RXFP1: variants seen among roughly 807,000 people sequenced by gnomAD.
RXFP1 encodes relaxin family peptide receptor 1.
A neutral mutation model predicts 89.8 loss-of-function variants in RXFP1; 73 were observed. The observed-to-expected ratio is 0.81, with a 90% CI of 0.67 to 0.99. The LOEUF is 0.99. Ranked by LOEUF, RXFP1 falls within the 50% of genes least tolerant of loss-of-function variation. The pLI, the probability that RXFP1 is intolerant of heterozygous loss-of-function variation, is 0.00. For missense variants in RXFP1, 793 were observed against 895.5 expected, an observed-to-expected ratio of 0.89 and a Z score of 1.46; for synonymous variants, 277 against 305.5, an observed-to-expected ratio of 0.91 and a Z score of 0.97.
chr4:158,608,113 C>A, intron 6 of RXFP1, 70 bp downstream of exon 6: 1 of 1,008,246 alleles, frequency 9.9e-7, no homozygotes, highest in Non-Finnish European at 1.5e-6. Flanking sequence ...CCAATCCAGA[C>A]CAGCCTCCCT....
chr4:158,640,152 A>G (rs1335660116), intron 14 of RXFP1, among the ~76,000 whole-genome samples: 1 of 152,226 alleles, frequency 6.6e-6, no homozygotes, highest in Non-Finnish European at 1.5e-5. Context: ...AGATGATTTT[A>G]GTTTTCCACA....
chr4:158,639,940 G>T (rs2150235819), intron 14 of RXFP1, among the ~76,000 whole-genome samples: 1 of 152,216 alleles, frequency 6.6e-6, no homozygotes, highest in Middle Eastern at 3.4e-3. Flanking sequence ...CAGAGAAGAT[G>T]GCCATCTATG....
At chr4:158,536,116 T>G (rs907002584) in intron 1 of RXFP1, among the ~76,000 whole-genome samples, 2 of 152,204 alleles carry the variant, frequency 1.3e-5, no homozygotes, top group African/African-American at 4.8e-5. Flanking sequence ...AACACAAAGG[T>G]TGTTACTCAG....
chr4:158,643,493 C>T (rs1396976985), intron 14 of RXFP1, among the ~76,000 whole-genome samples: 1 of 95,436 alleles, frequency 1.0e-5, no homozygotes, highest in East Asian at 3.5e-4. Flanking sequence ...TTTTTGGAGA[C>T]AGAGTCTCTC....
At chr4:158,571,357 A>G (rs1755018584) in intron 1 of RXFP1, among the ~76,000 whole-genome samples, 3 of 152,216 alleles carry the variant, frequency 2.0e-5, no homozygotes, top group African/African-American at 7.2e-5. Context: ...GTTATTAAGA[A>G]ATTATTTTAG....
chr4:158,651,828 C>G lies in RXFP1; in HGVS notation c.2047C>G (p.Leu683Val). The change falls in exon 18 of 18, where the codon CTG becomes GTG. Residue 683 changes from leucine (L) to valine (V), a missense_variant. By Grantham distance (32) the Leu-to-Val change is conservative. Coordinates refer to ENST00000307765, the MANE Select transcript of RXFP1 (RefSeq NM_021634.4). ...TGCTTTGAACCCAATTCTCTATACTCTGACCACAAGACCATTTAAAGAAAT... is the reference window on the plus strand; with the variant it reads ...TGCTTTGAACCCAATTCTCTATACTGTGACCACAAGACCATTTAAAGAAAT... ...NSALNPILYT[L>V]TTRPFKEMIH... The G allele has an allele frequency of 6.2e-7, 1 of 1,614,088 alleles. No individual in the cohort carries two copies. Among genetic ancestry groups the G allele is most frequent in the Non-Finnish European group, 8.5e-7 (1 of 1,179,970 alleles).
chr4:158,599,010 T>C (rs567787874), intron 3 of RXFP1, among the ~76,000 whole-genome samples: 1 of 151,010 alleles, frequency 6.6e-6, no homozygotes, highest in East Asian at 2.0e-4. Flanking sequence ...CTGTTCTCCA[T>C]TCATTGCAAA....
intron 12 of RXFP1, 120 bp downstream of exon 12, chr4:158,633,596 T>C: frequency 1.8e-6 from 1 of 562,530 alleles, no homozygotes; most frequent in South Asian, 2.6e-5. Context: ...ATTAGCTACA[T>C]TCACATTGCT....
At chr4:158,604,793 A>T (rs998148435) in intron 4 of RXFP1, among the ~76,000 whole-genome samples, 1 of 152,218 alleles carries the variant, frequency 6.6e-6, no homozygotes, top group Non-Finnish European at 1.5e-5. Context: ...AAAGAAAAAC[A>T]TAACTGAAAA....
chr4:158,591,802 A>T (rs967227486), intron 2 of RXFP1, among the ~76,000 whole-genome samples: 1 of 152,180 alleles, frequency 6.6e-6, no homozygotes, highest in Non-Finnish European at 1.5e-5. Context: ...TAGACTTAAT[A>T]CTAACTTACA....
chr4:158,568,145 C>A (rs948914817), intron 1 of RXFP1, among the ~76,000 whole-genome samples: 1 of 152,138 alleles, frequency 6.6e-6, no homozygotes, highest in African/African-American at 2.4e-5. Flanking sequence ...ACCACGAACC[C>A]ACCAGAAGGA....
intron 8 of RXFP1, among the ~76,000 whole-genome samples, chr4:158,616,792 A>G (rs1195879400): frequency 1.3e-5 from 2 of 151,542 alleles, no homozygotes; most frequent in Admixed American, 1.3e-4. Context: ...TGAGGTCAAG[A>G]GTTTGAGACC....
chr4:158,615,537 A>G (rs1764386817), intron 8 of RXFP1, among the ~76,000 whole-genome samples: 1 of 144,368 alleles, frequency 6.9e-6, no homozygotes, highest in South Asian at 2.2e-4. Flanking sequence ...ACTTTGTCTC[A>G]AAAAAAAAAA....
intron 1 of RXFP1, chr4:158,544,341 C>T: frequency 1.0e-6 from 1 of 985,292 alleles, no homozygotes; most frequent in Non-Finnish European, 1.2e-6. Flanking sequence ...GACAGCATCT[C>T]ATCCTTGCAC....
intron 1 of RXFP1, among the ~76,000 whole-genome samples, chr4:158,561,630 T>TC (rs1479188048): frequency 7.0e-6 from 1 of 142,382 alleles, no homozygotes; most frequent in African/African-American, 2.7e-5. Flanking sequence ...TTTTTTCTTT[T>TC]TTTTTTTTTT....
chr4:158,645,287 A>G, intron 15 of RXFP1, 149 bp downstream of exon 15: 1 of 624,554 alleles, frequency 1.6e-6, no homozygotes. Flanking sequence ...TTCTACAAAG[A>G]AAATAGAATT....
In RXFP1 at chr4:158,521,943, C is replaced by G. The variant is rs1741266702; in HGVS notation, c.-34C>G. 6.3e-7 allele frequency: 1 copy of G among 1,575,968 alleles called. No homozygotes were observed. Among genetic ancestry groups the G allele is most frequent in the Admixed American group, 1.7e-5 (1 of 58,184 alleles). The stretch of plus-strand genomic sequence containing the variant: ...TCAGAAACCAAGACCAAATTTTGCT[C>G]ACTTTCATTAATCAGTTGCTCAGAT... On this transcript the variant is annotated 5_prime_UTR_variant, in exon 1 of 18. Transcript: ENST00000307765.
Position 158,652,708 on chromosome 4 carries a change from C to T in RXFP1, c.*653C>T, listed in dbSNP as rs1384189333. ...ACAGCACTTCTTTTGGCACTTCCTG[C>T]CCAGTTTTCTCTTTGCTTTAAATGA... is the stretch of plus-strand genomic sequence containing the variant. On this transcript the variant is annotated 3_prime_UTR_variant, in exon 18 of 18. Coordinates refer to ENST00000307765, the MANE Select transcript of RXFP1 (RefSeq NM_021634.4). 6.6e-6 allele frequency: 1 copy of T among 152,174 alleles called. No homozygotes were observed. Among genetic ancestry groups the T allele is most frequent in the African/African-American group, 2.4e-5 (1 of 41,446 alleles). 9.4% of individuals were successfully genotyped at this position (152,174 alleles called of 1,614,324 possible). A position where few individuals can be genotyped will look rare whatever the true frequency, so the allele number is the denominator to read the frequency against.
Position 158,601,219 on chromosome 4 carries a change from A to G in RXFP1, c.392+1788A>G, listed in dbSNP as rs150040220. ...GACCTACCAGTTTTCAACCCCTGGT[A>G]TAAACAAAAAAACTGGGACCAGGTC... On this transcript the variant is annotated intron_variant, in intron 4 of 17. Transcript: ENST00000307765. Among the ~76,000 whole-genome samples, 375 of 152,240 alleles carry G rather than the reference A, an allele frequency of 2.5e-3. 3 individuals carry two copies. Among genetic ancestry groups the G allele is most frequent in the African/African-American group, 8.5e-3 (353 of 41,556 alleles).
Sources: allele counts gnomAD v4.1 joint callset (sites outside exome capture counted in the v4.1 genomes callset), GRCh38; gene constraint gnomAD v4.1.1; transcripts MANE v1.5; gene names NCBI Gene and HGNC (gene_info 2026-07-23, HGNC 2026-07-21).